The following SEMA5A variants were observed in gnomAD, a reference collection of about 807,000 sequenced individuals.
SEMA5A encodes semaphorin-5A.
SEMA5A carries 55 observed loss-of-function variants against 135.5 expected under a neutral mutation model. The observed-to-expected ratio is 0.41, with a 90% CI of 0.33 to 0.51. The LOEUF (loss-of-function observed/expected upper bound fraction) is 0.51. Ranked by LOEUF, SEMA5A falls within the 20% of genes least tolerant of loss-of-function variation. The pLI is 0.37. For synonymous variants in SEMA5A, 580 were observed against 546.5 expected (o/e 1.06, Z -0.85); for missense variants, 1,290 against 1,419.9 (o/e 0.91, Z 1.47).
chr5:9,287,371 C>G (rs773389776), intron 5 of SEMA5A, among the ~76,000 whole-genome samples: 5 of 152,158 alleles, frequency 3.3e-5, no homozygotes, highest in African/African-American at 1.2e-4. Context: ...GCAGAATAGA[C>G]ACTACATCCT....
chr5:9,317,681 A>T (rs1357567093), intron 5 of SEMA5A, among the ~76,000 whole-genome samples: 1 of 152,220 alleles, frequency 6.6e-6, no homozygotes, highest in Non-Finnish European at 1.5e-5. Flanking sequence ...TCCAAACTCT[A>T]CACAGCCCGA....
At chr5:9,366,136 T>A (rs1413146011) in intron 3 of SEMA5A, among the ~76,000 whole-genome samples, 1 of 152,236 alleles carries the variant, frequency 6.6e-6, no homozygotes, top group Non-Finnish European at 1.5e-5. Context: ...ACTGATGACT[T>A]AAAACATGTA....
chr5:9,244,853 A>G (rs1052425935), intron 5 of SEMA5A, among the ~76,000 whole-genome samples: 1 of 152,222 alleles, frequency 6.6e-6, no homozygotes, highest in African/African-American at 2.4e-5. Context: ...ACATCCCACA[A>G]GAATTTCTCT....
intron 8 of SEMA5A, among the ~76,000 whole-genome samples, chr5:9,221,472 T>G (rs1746976854): frequency 6.6e-6 from 1 of 151,694 alleles, no homozygotes; most frequent in African/African-American, 2.4e-5. Context: ...CCGGCTAATT[T>G]TTTCTATTTT....
intron 1 of SEMA5A, among the ~76,000 whole-genome samples, chr5:9,479,158 C>T (rs1759779918): frequency 6.6e-6 from 1 of 152,208 alleles, no homozygotes. Flanking sequence ...CCATTCAGAA[C>T]TGTGAGCCAA....
At chr5:9,176,541 G>A (rs1744214721) in intron 11 of SEMA5A, among the ~76,000 whole-genome samples, 1 of 152,214 alleles carries the variant, frequency 6.6e-6, no homozygotes, top group South Asian at 2.1e-4. Flanking sequence ...GCTTGAAATT[G>A]CTAAGAATAT....
Position 9,237,713 on chromosome 5 carries a change from T to A in SEMA5A, c.333+115A>T. On this transcript the variant is annotated intron_variant, in intron 6 of 22. Transcript: ENST00000382496. ...ACCGTATACATATTTTGAATCTTGC[T>A]TTTTTCACTTTACATGGCACCGTAA... The A allele has an allele frequency of 3.4e-6, 3 of 879,548 alleles. No homozygotes were observed. In the South Asian group the frequency reaches 6.2e-5, roughly 18 times the overall value. The allele number at this position is 879,548 out of a possible 1,614,324, so 54.5% of individuals were successfully genotyped here. A position where few individuals can be genotyped will look rare whatever the true frequency, so the allele number is the denominator to read the frequency against.
At chr5:9,158,369 C>T (rs1743067815) in intron 11 of SEMA5A, among the ~76,000 whole-genome samples, 1 of 151,874 alleles carries the variant, frequency 6.6e-6, no homozygotes, top group African/African-American at 2.4e-5. Flanking sequence ...GAAAATTTGC[C>T]ACAAGAAATA....
intron 11 of SEMA5A, among the ~76,000 whole-genome samples, chr5:9,188,540 G>T (rs1316421106): frequency 1.3e-5 from 2 of 152,076 alleles, no homozygotes; most frequent in African/African-American, 4.8e-5. Context: ...CTCAAGAATA[G>T]CCTCAACCCC....
At chr5:9,543,758 A>C (rs1185067860) in intron 1 of SEMA5A, among the ~76,000 whole-genome samples, 2 of 152,030 alleles carry the variant, frequency 1.3e-5, no homozygotes, top group Non-Finnish European at 2.9e-5. Flanking sequence ...CAAAGTTTTT[A>C]CAAGAAAGAA....
intron 3 of SEMA5A, among the ~76,000 whole-genome samples, chr5:9,346,974 A>G (rs1753905428): frequency 6.6e-6 from 1 of 152,106 alleles, no homozygotes; most frequent in African/African-American, 2.4e-5. Context: ...GACACTTAAT[A>G]GACTACAGTA....
intron 11 of SEMA5A, among the ~76,000 whole-genome samples, chr5:9,162,204 C>T (rs1224967243): frequency 6.6e-6 from 1 of 152,056 alleles, no homozygotes; most frequent in South Asian, 2.1e-4. Flanking sequence ...TATGAATAAC[C>T]CTGACTGACC....
At chr5:9,371,349 C>T (rs967467811) in intron 3 of SEMA5A, among the ~76,000 whole-genome samples, 4 of 152,112 alleles carry the variant, frequency 2.6e-5, no homozygotes, top group Non-Finnish European at 5.9e-5. Context: ...CCTCTCAGGT[C>T]TCATCAGCCA....
intron 1 of SEMA5A, among the ~76,000 whole-genome samples, chr5:9,480,271 A>C (rs187576078): frequency 9.0e-4 from 137 of 152,348 alleles, no homozygotes; most frequent in Non-Finnish European, 1.5e-3. Context: ...TTTGAGGCTA[A>C]AAATAACTTA....
chr5:9,091,034 A>C (rs541412016), intron 16 of SEMA5A, among the ~76,000 whole-genome samples: 4 of 152,290 alleles, frequency 2.6e-5, no homozygotes, highest in Middle Eastern at 3.4e-3. Context: ...TTCAGTGCTT[A>C]GGCTGGGAGT....
intron 2 of SEMA5A, among the ~76,000 whole-genome samples, chr5:9,381,757 A>ACC (rs1755618558): frequency 6.6e-6 from 1 of 152,118 alleles, no homozygotes; most frequent in South Asian, 2.1e-4. Flanking sequence ...CAGATTCCTG[A>ACC]CCCCACAAAT....
In SEMA5A at chr5:9,334,485, C is replaced by T. The variant is rs6888148; in HGVS notation, c.224+3228G>A. ...CCTGAAAGGCATATGCACACGTATG[C>T]GAAACCCATGAAGACCCTCAGAGCT... On this transcript the variant is annotated intron_variant, in intron 4 of 22. Transcript: ENST00000382496. 6.5e-3 allele frequency among the ~76,000 whole-genome samples: 991 copies of T among 152,306 alleles called. 13 individuals are homozygous for T. The highest frequency in any genetic ancestry group is 0.022 in the African/African-American group (934 of 41,550).
chr5:9,387,064 T>C (rs1473496853), intron 2 of SEMA5A, among the ~76,000 whole-genome samples: 1 of 152,214 alleles, frequency 6.6e-6, no homozygotes, highest in Non-Finnish European at 1.5e-5. Flanking sequence ...AAACAGTGCA[T>C]GTGAGATCAA....
chr5:9,263,505 C>T (rs1749516795), intron 5 of SEMA5A, among the ~76,000 whole-genome samples: 1 of 152,182 alleles, frequency 6.6e-6, no homozygotes, highest in Non-Finnish European at 1.5e-5. Flanking sequence ...CCAAAATCAA[C>T]ACCCACCCTT....
Sources: gnomAD v4.1 joint callset for allele counts (sites outside exome capture counted in the v4.1 genomes callset) on GRCh38, gnomAD v4.1.1 for gene constraint, MANE v1.5 for transcripts, NCBI Gene and HGNC (gene_info 2026-07-23, HGNC 2026-07-21) for gene names.